Variants in CHLSN observed in about 807,000 individuals in gnomAD.
The protein encoded by CHLSN is cholesin, also known as protein cholesin.
chr7:997,359 C>A, the CHLSN span: 1 of 405,590 alleles, frequency 2.5e-6, no homozygotes, highest in Non-Finnish European at 4.3e-6. Flanking sequence ...CCGGGTGATT[C>A]CAGAGCATCC....
chr7:1,134,809 G>A, the CHLSN span, among the ~76,000 whole-genome samples: 2 of 151,810 alleles, frequency 1.3e-5, no homozygotes, highest in Admixed American at 1.3e-4. Context: ...CCTGGGAGGC[G>A]GAGCTTGCAG....
chr7:994,833 G>A, the CHLSN span, among the ~76,000 whole-genome samples: 1 of 152,238 alleles, frequency 6.6e-6, no homozygotes, highest in Admixed American at 6.5e-5. Flanking sequence ...GCCCAGATGT[G>A]CTTTGTCACA....
chr7:981,623 A>T, the CHLSN span, among the ~76,000 whole-genome samples: 2 of 152,200 alleles, frequency 1.3e-5, no homozygotes, highest in Non-Finnish European at 2.9e-5. Context: ...CTGAGGCAGG[A>T]GAATCGCTCC....
the CHLSN span, chr7:986,254 G>T: frequency 4.4e-6 from 1 of 227,318 alleles, no homozygotes; most frequent in Non-Finnish European, 8.7e-6. Context: ...ATACAGCCTC[G>T]TGGGCTGGCT....
chr7:1,097,139 C>T, the CHLSN span, among the ~76,000 whole-genome samples: 17 of 152,310 alleles, frequency 1.1e-4, 1 homozygote, highest in South Asian at 1.9e-3. This position sits in a 1 kb window ranked among gnomAD's most constrained non-coding sequence, Gnocchi z 4.3. Context: ...TACGCGAGTA[C>T]GTTTGAACAC....
chr7:1,105,425 C>T, the CHLSN span, among the ~76,000 whole-genome samples: 1 of 152,190 alleles, frequency 6.6e-6, no homozygotes, highest in South Asian at 2.1e-4. Context: ...ACAGGGGCTG[C>T]CTCATGGGGT....
chr7:979,730 G>A, the CHLSN span, among the ~76,000 whole-genome samples: 5 of 149,606 alleles, frequency 3.3e-5, no homozygotes, highest in East Asian at 3.9e-4. Flanking sequence ...GGGAAACTCC[G>A]TCTCAAAAAA....
At chr7:1,008,253 C>A in the CHLSN span, among the ~76,000 whole-genome samples, 1 of 152,212 alleles carries the variant, frequency 6.6e-6, no homozygotes, top group African/African-American at 2.4e-5. Flanking sequence ...ACACCTTGCC[C>A]ACACCTGGGC....
chr7:1,119,528 G>A, the CHLSN span, among the ~76,000 whole-genome samples: 3 of 152,156 alleles, frequency 2.0e-5, no homozygotes, highest in African/African-American at 7.2e-5. Context: ...AGACACACTA[G>A]GATATCTAGA....
the CHLSN span, among the ~76,000 whole-genome samples, chr7:1,002,404 G>A: frequency 8.0e-6 from 1 of 124,232 alleles, no homozygotes. Context: ...GGTGAGTGGA[G>A]TCCTGCCGGT....
At chr7:1,114,551 C>T in the CHLSN span, among the ~76,000 whole-genome samples, 10 of 152,254 alleles carry the variant, frequency 6.6e-5, no homozygotes, top group South Asian at 4.1e-4. Context: ...CCCGCTCGGC[C>T]GCTCATGGCC....
chr7:1,036,785 G>A, the CHLSN span, among the ~76,000 whole-genome samples: 4 of 126,826 alleles, frequency 3.2e-5, no homozygotes, highest in African/African-American at 7.6e-5. Flanking sequence ...CTCTGAAGGC[G>A]AACGCTTCGC....
chr7:1,011,433 C>CCA, the CHLSN span, among the ~76,000 whole-genome samples: 88,145 of 145,058 alleles, frequency 0.61, 28,619 homozygotes, highest in African/African-American at 0.85. Flanking sequence ...CCAGAAACAC[C>CCA]CACACACCCA....
chr7:984,093 G>A, the CHLSN span, among the ~76,000 whole-genome samples: 1 of 152,246 alleles, frequency 6.6e-6, no homozygotes, highest in Admixed American at 6.5e-5. Context: ...CTTTCAGAAT[G>A]TGCCACCCCA....
the CHLSN span, among the ~76,000 whole-genome samples, chr7:1,015,990 G>A: frequency 3.3e-5 from 5 of 152,000 alleles, 1 homozygote; most frequent in Non-Finnish European, 7.4e-5. Context: ...ACCATCTAGT[G>A]TCTGAGGTGT....
the CHLSN span, among the ~76,000 whole-genome samples, chr7:1,018,999 A>T: frequency 6.6e-6 from 1 of 152,058 alleles, no homozygotes; most frequent in Non-Finnish European, 1.5e-5. Context: ...GTCCGAGACC[A>T]GCCTGGCCAA....
the CHLSN span, among the ~76,000 whole-genome samples, chr7:1,063,668 C>A: frequency 6.6e-6 from 1 of 152,232 alleles, no homozygotes; most frequent in Non-Finnish European, 1.5e-5. Flanking sequence ...GCCCTTGGTG[C>A]CATGTGTCTC....
At chr7:992,578 C>T in the CHLSN span, among the ~76,000 whole-genome samples, 31 of 152,374 alleles carry the variant, frequency 2.0e-4, no homozygotes, top group East Asian at 5.8e-4. Context: ...TTGTCCAGTG[C>T]GGGGGTCCTG....
At chr7:1,049,072 G>A in the CHLSN span, among the ~76,000 whole-genome samples, 1 of 152,102 alleles carries the variant, frequency 6.6e-6, no homozygotes, top group Non-Finnish European at 1.5e-5. Flanking sequence ...AGGCCTCCGC[G>A]GTCTGACCCT....
Sources: gnomAD v4.1 joint callset for allele counts (sites outside exome capture counted in the v4.1 genomes callset) on GRCh38, gnomAD v4.1.1 for gene constraint, Gnocchi (gnomAD v3.1) non-coding constraint, MANE v1.5 for transcripts, NCBI Gene and HGNC (gene_info 2026-07-23, HGNC 2026-07-21) for gene names.